CTSS: variants seen among roughly 807,000 people sequenced by gnomAD.
CTSS encodes the protein cathepsin S.
In CTSS, 15 loss-of-function variants were observed where a neutral mutation model predicts 39.9. The observed-to-expected ratio is 0.38, with a 90% CI of 0.25 to 0.58. The LOEUF (loss-of-function observed/expected upper bound fraction) is 0.58. Ranked by LOEUF, CTSS falls within the 20% of genes least tolerant of loss-of-function variation. CTSS has a pLI of 0.70. For synonymous variants in CTSS, 126 were observed against 138.2 expected (o/e 0.91, Z 0.62); for missense variants, 250 against 398.2 (o/e 0.63, Z 3.17).
chr1:150,749,647 T>C (rs1557811696), intron 6 of CTSS, among the ~76,000 whole-genome samples: 2 of 147,442 alleles, frequency 1.4e-5, no homozygotes, highest in Non-Finnish European at 3.0e-5. Context: ...TTCTTTCTCT[T>C]TCTTTCTTCC....
At chr1:150,738,133 TG>T (rs1652672839) in intron 7 of CTSS, among the ~76,000 whole-genome samples, 1 of 152,148 alleles carries the variant, frequency 6.6e-6, no homozygotes, top group South Asian at 2.1e-4. Flanking sequence ...AAGATAATTC[TG>T]GTTACTGTGT....
In CTSS at chr1:150,754,111, C is replaced by CTT. The variant is rs751446609; in HGVS notation, c.399+888_399+889dup. Among the ~76,000 whole-genome samples, 130 of 128,256 alleles carry CTT rather than the reference C, an allele frequency of 1.0e-3. 1 individual carries two copies. Among genetic ancestry groups the CTT allele is most frequent in the African/African-American group, 3.1e-3 (107 of 34,004 alleles). The allele number at this position is 128,256 out of a possible 152,430, so 84.1% of individuals were successfully genotyped here. On this transcript the variant is annotated intron_variant, in intron 4 of 7. Transcript: ENST00000368985. Reference sequence around the variant, plus strand: ...TATAACCTACACATCCTCCTATACACTTTTTTTTTTTTTTTTTTTTAAGAC... The same window carrying CTT: ...TATAACCTACACATCCTCCTATACACTTTTTTTTTTTTTTTTTTTTTTAAGAC...
In CTSS at chr1:150,731,846, A is replaced by G. The variant is rs1173706231; in HGVS notation, c.*1200T>C. On this transcript the variant is annotated 3_prime_UTR_variant, in exon 8 of 8. Transcript: ENST00000368985. ...CATTAAATTGTTGATCATTAAAATA[A>G]TTCTTCCAAAGTGCTTGTCTTTTAT... is the stretch of plus-strand genomic sequence containing the variant. 6.6e-6 allele frequency: 1 copy of G among 152,232 alleles called. No individual in the cohort carries two copies. 9.4% of individuals were successfully genotyped at this position (152,232 alleles called of 1,614,324 possible). A position where few individuals can be genotyped will look rare whatever the true frequency, so the allele number is the denominator to read the frequency against.
intron 2 of CTSS, among the ~76,000 whole-genome samples, chr1:150,762,902 C>T (rs1401817547): frequency 6.6e-6 from 1 of 152,058 alleles, no homozygotes; most frequent in African/African-American, 2.4e-5. Context: ...CCATATCATC[C>T]AGCAATCTCA....
chr1:150,746,896 C>T (rs893095590), intron 7 of CTSS, among the ~76,000 whole-genome samples: 7 of 151,982 alleles, frequency 4.6e-5, no homozygotes, highest in African/African-American at 9.7e-5. Flanking sequence ...AATTTTACAC[C>T]GAATGAAACT....
chr1:150,745,052 C>A (rs1361902801), intron 7 of CTSS, among the ~76,000 whole-genome samples: 1 of 152,104 alleles, frequency 6.6e-6, no homozygotes, highest in Non-Finnish European at 1.5e-5. Flanking sequence ...AATAGGTTAT[C>A]AGTGAACCAA....
At chr1:150,746,790 A>G (rs1402068740) in intron 7 of CTSS, among the ~76,000 whole-genome samples, 1 of 152,240 alleles carries the variant, frequency 6.6e-6, no homozygotes, top group Admixed American at 6.5e-5. Context: ...AGTGCAGTAT[A>G]ACCAGAGTGA....
At chr1:150,737,619 G>A (rs975448090) in intron 7 of CTSS, among the ~76,000 whole-genome samples, 2 of 152,042 alleles carry the variant, frequency 1.3e-5, no homozygotes, top group Admixed American at 1.3e-4. Context: ...AGTTTCCTTT[G>A]TAATAGACTG....
chr1:150,733,174 C>T (rs2101907305), intron 7 of CTSS, 29 bp from the exon 8 acceptor site: 1 of 1,488,692 alleles, frequency 6.7e-7, no homozygotes, highest in Middle Eastern at 1.7e-4. Flanking sequence ...TACAAAATTA[C>T]AAATGCGTAC....
rs1279843290 is a variant in CTSS, at chr1:150,743,514, TA to T, written c.896+4262del. 3.6e-5 allele frequency among the ~76,000 whole-genome samples: 5 copies of T among 140,520 alleles called. No homozygotes were observed. The East Asian group carries it at 6.0e-4, about 17-fold the overall frequency. 92.2% of individuals were successfully genotyped at this position (140,520 alleles called of 152,430 possible). On this transcript the variant is annotated intron_variant, in intron 7 of 7. Transcript: ENST00000368985. ...GCTGGGAGATATATATATATATATA[TA>T]TATATTTATAAATATATTTATATTT...
intron 5 of CTSS, 107 bp downstream of exon 5, chr1:150,751,674 A>C: frequency 3.2e-6 from 3 of 931,844 alleles, no homozygotes; most frequent in Non-Finnish European, 5.1e-6. Context: ...TCTCTCTCAC[A>C]CACAATACTG....
In CTSS at chr1:150,730,312, GCAGC is replaced by G. The variant is rs1239484215; in HGVS notation, c.*2730_*2733del. On this transcript the variant is annotated 3_prime_UTR_variant, in exon 8 of 8. Coordinates refer to ENST00000368985, the MANE Select transcript of CTSS (RefSeq NM_004079.5). Reference sequence around the variant, plus strand: ...TTTTTTATAGTAGGTTTGATGAAGAGCAGCCAGTGATGTAGAAATGTCATAGGGC... The same window carrying G: ...TTTTTTATAGTAGGTTTGATGAAGAGCAGTGATGTAGAAATGTCATAGGGC... 7 of 152,212 alleles carry G rather than the reference GCAGC, an allele frequency of 4.6e-5. No individual in the cohort carries two copies. In the East Asian group the frequency reaches 1.3e-3, roughly 29 times the overall value. The allele number at this position is 152,212 out of a possible 1,614,324, so 9.4% of individuals were successfully genotyped here.
Position 150,730,924 on chromosome 1 carries a change from A to T in CTSS, c.*2122T>A, listed in dbSNP as rs1440574079. ...TATCTTTTAACATTTTAATAACTGT[A>T]TTTCGATATAATTAGATTCCTTTGT... is the stretch of plus-strand genomic sequence containing the variant. On this transcript the variant is annotated 3_prime_UTR_variant, in exon 8 of 8. Coordinates refer to ENST00000368985, the MANE Select transcript of CTSS (RefSeq NM_004079.5). 1.3e-5 allele frequency: 2 copies of T among 152,162 alleles called. No homozygotes were observed. Among genetic ancestry groups the T allele is most frequent in the Admixed American group, 1.3e-4 (2 of 15,280 alleles). The allele number at this position is 152,162 out of a possible 1,614,324, so 9.4% of individuals were successfully genotyped here.
chr1:150,743,290 C>T (rs1426820564), intron 7 of CTSS, among the ~76,000 whole-genome samples: 1 of 151,792 alleles, frequency 6.6e-6, no homozygotes, highest in African/African-American at 2.4e-5. Context: ...AATACATGAA[C>T]AATTCCATAC....
chr1:150,742,217 ACTGCACTCTAGC>A (rs1288156520), intron 7 of CTSS, among the ~76,000 whole-genome samples: 1 of 151,994 alleles, frequency 6.6e-6, no homozygotes, highest in Non-Finnish European at 1.5e-5. Context: ...AGATCATGCC[ACTGCACTCTAGC>A]CTGGTGACAG....
At chr1:150,750,581 G>A (rs918531843) in intron 5 of CTSS, among the ~76,000 whole-genome samples, 1 of 152,120 alleles carries the variant, frequency 6.6e-6, no homozygotes, top group Non-Finnish European at 1.5e-5. Flanking sequence ...TTTCAAGTGG[G>A]AAAAGGAAAG....
chr1:150,755,201 T>C (rs1173604669), intron 3 of CTSS, 51 bp from the exon 4 acceptor site: 1 of 1,583,192 alleles, frequency 6.3e-7, no homozygotes, highest in Non-Finnish European at 8.7e-7. Flanking sequence ...GAATATGTTC[T>C]GAGAAATGCA....
chr1:150,752,800 A>G (rs1275982650), intron 4 of CTSS, among the ~76,000 whole-genome samples: 1 of 152,178 alleles, frequency 6.6e-6, no homozygotes, highest in East Asian at 1.9e-4. Context: ...AAACTAATTG[A>G]AAGAAAAATA....
Position 150,730,620 on chromosome 1 carries a change from T to G in CTSS, c.*2426A>C, listed in dbSNP as rs982873671. On this transcript the variant is annotated 3_prime_UTR_variant, in exon 8 of 8. Transcript: ENST00000368985. ...CTCAAATGCCTTCAGCTTAAAATAT[T>G]CAATATGTCAAAGTGCTGTATTTTG... The G allele has an allele frequency of 5.3e-5, 8 of 152,196 alleles. No individual in the cohort carries two copies. The highest frequency in any genetic ancestry group is 1.9e-4 in the African/African-American group (8 of 41,452). 9.4% of individuals were successfully genotyped at this position (152,196 alleles called of 1,614,324 possible).
Sources: gnomAD v4.1 joint callset for allele counts (sites outside exome capture counted in the v4.1 genomes callset) on GRCh38, gnomAD v4.1.1 for gene constraint, MANE v1.5 for transcripts, NCBI Gene and HGNC (gene_info 2026-07-23, HGNC 2026-07-21) for gene names.